Variants in RASGRP2 observed in about 807,000 individuals in gnomAD.
RASGRP2 encodes the protein RAS guanyl releasing protein 2.
In RASGRP2, 44 loss-of-function variants were observed where a neutral mutation model predicts 71.0. That is an observed-to-expected ratio of 0.62 (90% CI 0.49 to 0.80). The LOEUF (loss-of-function observed/expected upper bound fraction) is 0.80. Among genes scored for constraint, RASGRP2 ranks in the 30% least tolerant of loss-of-function variants. The pLI is 0.00. For synonymous variants in RASGRP2, 350 were observed against 330.7 expected, an observed-to-expected ratio of 1.06 and a Z score of -0.63; for missense variants, 663 against 813.4, an observed-to-expected ratio of 0.82 and a Z score of 2.25.
At chr11:64,741,136 T>C in intron 4 of RASGRP2, 57 bp from the exon 5 acceptor site, 2 of 1,594,552 alleles carry the variant, frequency 1.3e-6, no homozygotes, top group African/African-American at 2.7e-5. Flanking sequence ...CCCAGCAGGC[T>C]GCAAGGAGCT....
chr11:64,727,647 G>T (rs538231856), intron 15 of RASGRP2, among the ~76,000 whole-genome samples: 1 of 151,874 alleles, frequency 6.6e-6, no homozygotes, highest in Non-Finnish European at 1.5e-5. Context: ...CAAGTAGCTG[G>T]GATTACAGGC....
rs769469271 is a variant in RASGRP2, at chr11:64,735,556, C to T, written c.1282G>A (p.Glu428Lys). ...CAGGAGCTCACCTCCACCATCTTCT[C>T]GATGTGCTCCACCACGAGGGCCTGA... Reference protein sequence around the residue: ...LDQALVVEHIEKMVESVFRNF... With the variant: ...LDQALVVEHIKKMVESVFRNF... The change falls in exon 11 of 17, where the codon GAG becomes AAG. Residue 428 changes from glutamate (E) to lysine (K), a missense_variant. Transcript: ENST00000394432. The surrounding 1 kb of genome is among the most constrained non-coding windows in gnomAD (Gnocchi z 4.2). 7 of 1,614,048 alleles carry T rather than the reference C, an allele frequency of 4.3e-6. 1 individual carries two copies. The highest frequency in any genetic ancestry group is 1.6e-4 in the Middle Eastern group (1 of 6,062).
rs376152344 is a variant in RASGRP2, at chr11:64,727,250, C to G, written c.*6+46G>C. The G allele has an allele frequency of 3.8e-5, 59 of 1,566,844 alleles. No individual in the cohort carries two copies. The East Asian group carries it at 5.6e-4, about 15-fold the overall frequency. Reference sequence around the variant, plus strand: ...TTCCCTGATACTCCCCAGCTCCCCCCCAGCCCTCAGTGGGGAGCTCTGGTG... The same window carrying G: ...TTCCCTGATACTCCCCAGCTCCCCCGCAGCCCTCAGTGGGGAGCTCTGGTG... On this transcript the variant is annotated intron_variant, in intron 16 of 16. Transcript: ENST00000394432.
chr11:64,730,210 G>A lies in RASGRP2; in HGVS notation c.1413-16C>T. The A allele has an allele frequency of 6.4e-7, 1 of 1,551,504 alleles. No homozygotes were observed. On this transcript the variant is annotated splice_polypyrimidine_tract_variant and intron_variant, in intron 12 of 16. Transcript: ENST00000394432. Reference sequence around the variant, plus strand: ...GCAGCCATCCCTGTGGGGAGTTGCGGGGGCGCTTCAGCTCGGGCCCTCCCC... The same window carrying A: ...GCAGCCATCCCTGTGGGGAGTTGCGAGGGCGCTTCAGCTCGGGCCCTCCCC...
At chr11:64,727,256 C>T (rs2057593363) in intron 16 of RASGRP2, 40 bp downstream of exon 16, 2 of 1,571,730 alleles carry the variant, frequency 1.3e-6, no homozygotes. Context: ...CCCCCCAGCC[C>T]TCAGTGGGGA....
At position 64,728,585 on chromosome 11, in the gene RASGRP2, G is replaced by A. The variant is rs182450000; in HGVS notation, c.1771+278C>T. Among the ~76,000 whole-genome samples the A allele has an allele frequency of 4.0e-4, 61 of 151,990 alleles. 1 individual carries two copies. The East Asian group carries it at 9.7e-3, about 24-fold the overall frequency. On this transcript the variant is annotated intron_variant, in intron 15 of 16. Transcript: ENST00000394432. ...TGGGACTACAGGCGTCCGCCACCAC[G>A]CCTGGCTAATTTTTTTTTTTTGTAT...
At chr11:64,733,540 G>T (rs1215524565) in intron 12 of RASGRP2, among the ~76,000 whole-genome samples, 1 of 152,008 alleles carries the variant, frequency 6.6e-6, no homozygotes, top group East Asian at 1.9e-4. Flanking sequence ...CTGAAAAGGT[G>T]GTCTAGATAA....
At chr11:64,737,641 C>G (rs1480062818) in intron 8 of RASGRP2, among the ~76,000 whole-genome samples, 1 of 137,702 alleles carries the variant, frequency 7.3e-6, no homozygotes, top group Non-Finnish European at 1.5e-5. Flanking sequence ...ATTAGCGTCA[C>G]TGCACTCCAG....
At chr11:64,741,923 G>A in intron 3 of RASGRP2, 87 bp downstream of exon 3, 1 of 1,140,732 alleles carries the variant, frequency 8.8e-7, no homozygotes. Flanking sequence ...ATACTTAGGA[G>A]CGAGGCTCAT....
At position 64,735,157 on chromosome 11, in the gene RASGRP2, C is replaced by T. The variant is rs776187625; in HGVS notation, c.1367G>A (p.Gly456Glu). The T allele has an allele frequency of 6.8e-6, 11 of 1,614,198 alleles. No homozygotes were observed. The South Asian group carries it at 1.2e-4, about 18-fold the overall frequency. ...ISQEEFQIIR[G>E]NFPYLSAFGD... ...AAAGGCGCTGAGGTAAGGGAAGTTC[C>T]CACGGATGATCTGGAATTCTTCCTG... is the stretch of plus-strand genomic sequence containing the variant. Residue 456 changes from glycine to glutamate, a missense_variant, in exon 12 of 17, where the codon GGG (glycine) becomes GAG (glutamate). Gly to Glu is a moderately conservative substitution (Grantham distance 98). Transcript: ENST00000394432. This position sits in a 1 kb window ranked among gnomAD's most constrained non-coding sequence, Gnocchi z 4.2.
chr11:64,729,619 G>C, intron 14 of RASGRP2, 143 bp downstream of exon 14: 2 of 1,057,024 alleles, frequency 1.9e-6, no homozygotes, highest in Non-Finnish European at 2.9e-6. Context: ...TTACAGGCTT[G>C]AGCCACCATG....
At chr11:64,736,709 C>G in intron 9 of RASGRP2, 44 bp downstream of exon 9, 1 of 1,548,820 alleles carries the variant, frequency 6.5e-7, no homozygotes, top group Non-Finnish European at 8.7e-7. Flanking sequence ...AAACTGTCAA[C>G]CCCTGGTGCC....
At chr11:64,728,725 G>A (rs975947856) in intron 15 of RASGRP2, 138 bp downstream of exon 15, 49 of 1,004,854 alleles carry the variant, frequency 4.9e-5, no homozygotes, top group Non-Finnish European at 6.1e-5. Flanking sequence ...GAGCCACCGC[G>A]CCCGGCCTGT....
At chr11:64,740,287 CG>C in intron 5 of RASGRP2, 124 bp from the exon 6 acceptor site, 1 of 1,253,024 alleles carries the variant, frequency 8.0e-7, no homozygotes, top group Non-Finnish European at 1.2e-6. Context: ...GTCCTAGGCA[CG>C]AATGTTCCCA....
chr11:64,738,897 C>A (rs1565513848), intron 8 of RASGRP2, among the ~76,000 whole-genome samples: 1 of 150,230 alleles, frequency 6.7e-6, no homozygotes, highest in African/African-American at 2.4e-5. Flanking sequence ...CCAAGGCAGG[C>A]GGATCACTTG....
In RASGRP2 at chr11:64,735,614, C is replaced by T; in HGVS notation, c.1224G>A (p.Glu408=). Residue 408 remains glutamate (E), a synonymous_variant, in exon 11 of 17, where the codon GAG becomes GAA. Coordinates refer to ENST00000394432, the MANE Select transcript of RASGRP2 (RefSeq NM_001098671.2). The surrounding 1 kb of genome is among the most constrained non-coding windows in gnomAD (Gnocchi z 4.2). ...CTPPPRPPVL[E]EWTSAAKPKL... ...TGGGTTTGGCAGCCGAGGTCCACTCCTCCAGTACCGGGGGCCGGGGTGGTG... is the reference window on the plus strand; with the variant it reads ...TGGGTTTGGCAGCCGAGGTCCACTCTTCCAGTACCGGGGGCCGGGGTGGTG... 1 of 1,614,064 alleles carries T rather than the reference C, an allele frequency of 6.2e-7. No individual in the cohort carries two copies. The highest frequency in any genetic ancestry group is 1.1e-5 in the South Asian group (1 of 91,076).
At chr11:64,744,342 C>T, upstream of RASGRP2, 4 of 984,842 alleles carry the variant, frequency 4.1e-6, no homozygotes, top group Non-Finnish European at 4.8e-6. Context: ...CTCCCCCAGG[C>T]TGGAGGACAG....
At chr11:64,741,182 CA>C in intron 4 of RASGRP2, 103 bp from the exon 5 acceptor site, 1 of 1,427,636 alleles carries the variant, frequency 7.0e-7, no homozygotes. Context: ...AAAAGACCCT[CA>C]AACTATGGTT....
At position 64,735,374 on chromosome 11, in the gene RASGRP2, C is replaced by T; in HGVS notation, c.1297-147G>A. 7.4e-7 allele frequency: 1 copy of T among 1,358,124 alleles called. No individual in the cohort carries two copies. The highest frequency in any genetic ancestry group is 1.0e-6 in the Non-Finnish European group (1 of 958,378). The allele number at this position is 1,358,124 out of a possible 1,614,324, so 84.1% of individuals were successfully genotyped here. On this transcript the variant is annotated intron_variant, in intron 11 of 16. Transcript: ENST00000394432. This position sits in a 1 kb window ranked among gnomAD's most constrained non-coding sequence, Gnocchi z 4.2. Reference sequence around the variant, plus strand: ...CCACCCCCGTTCCATACCTCCACCCCCACCCTACCCAGGGGCACTTCAGCC... The same window carrying T: ...CCACCCCCGTTCCATACCTCCACCCTCACCCTACCCAGGGGCACTTCAGCC...
Sources: allele counts gnomAD v4.1 joint callset (sites outside exome capture counted in the v4.1 genomes callset), GRCh38; gene constraint gnomAD v4.1.1; non-coding constraint Gnocchi (gnomAD v3.1); transcripts MANE v1.5; gene names NCBI Gene and HGNC (gene_info 2026-07-23, HGNC 2026-07-21).